Variants in HHAT observed in about 807,000 individuals in gnomAD.
HHAT encodes the protein protein-cysteine N-palmitoyltransferase HHAT.
A neutral mutation model predicts 70.8 loss-of-function variants in HHAT; 47 were observed. The ratio of observed to expected loss-of-function variants is 0.66; its 90% CI spans 0.53 to 0.85. HHAT has a LOEUF of 0.85. Ranked by LOEUF, HHAT falls within the 40% of genes least tolerant of loss-of-function variation. HHAT has a pLI of 0.00. For missense variants in HHAT, 609 were observed against 604.8 expected, an observed-to-expected ratio of 1.01 and a Z score of -0.07; for synonymous variants, 228 against 247.6, an observed-to-expected ratio of 0.92 and a Z score of 0.74.
chr1:210,600,339 C>T (rs1407126684), intron 10 of HHAT, among the ~76,000 whole-genome samples: 1 of 152,004 alleles, frequency 6.6e-6, no homozygotes, highest in Non-Finnish European at 1.5e-5. Flanking sequence ...ATGAAATAGA[C>T]TTAGGCAGCA....
At chr1:210,617,733 TA>T (rs1482423500) in intron 10 of HHAT, among the ~76,000 whole-genome samples, 1 of 152,258 alleles carries the variant, frequency 6.6e-6, no homozygotes, top group African/African-American at 2.4e-5. Flanking sequence ...CTTGTCCAAT[TA>T]AACAAATCTG....
At chr1:210,548,094 C>T (rs994518436) in intron 9 of HHAT, among the ~76,000 whole-genome samples, 4 of 152,182 alleles carry the variant, frequency 2.6e-5, no homozygotes, top group African/African-American at 9.7e-5. Context: ...ACTGACCCAG[C>T]AGTGATGGAC....
intron 8 of HHAT, among the ~76,000 whole-genome samples, chr1:210,503,775 T>C (rs1558041779): frequency 6.6e-6 from 1 of 150,606 alleles, no homozygotes; most frequent in African/African-American, 2.4e-5. Flanking sequence ...AAGTTGCCGG[T>C]GACCTTTCAT....
intron 10 of HHAT, among the ~76,000 whole-genome samples, chr1:210,593,454 G>C (rs1223607435): frequency 1.3e-5 from 2 of 152,036 alleles, no homozygotes; most frequent in African/African-American, 4.8e-5. Context: ...GAGCATATTG[G>C]TTAATTTCCC....
intron 9 of HHAT, among the ~76,000 whole-genome samples, chr1:210,553,818 C>G (rs1014788949): frequency 1.3e-5 from 2 of 152,196 alleles, no homozygotes; most frequent in Non-Finnish European, 2.9e-5. Flanking sequence ...CCACCTCTTC[C>G]TCTCCCTGTA....
chr1:210,665,037 T>A (rs1350136314), intron 11 of HHAT, among the ~76,000 whole-genome samples: 2 of 152,218 alleles, frequency 1.3e-5, no homozygotes, highest in African/African-American at 2.4e-5. Flanking sequence ...TATATCCCTC[T>A]CTGAGCCAGC....
intron 10 of HHAT, among the ~76,000 whole-genome samples, chr1:210,609,098 G>A (rs1437291543): frequency 6.6e-6 from 1 of 152,094 alleles, no homozygotes; most frequent in Non-Finnish European, 1.5e-5. Context: ...GACACGTGGT[G>A]ATTATGGGGA....
intron 9 of HHAT, among the ~76,000 whole-genome samples, chr1:210,542,630 T>G (rs1177159467): frequency 1.3e-5 from 2 of 151,592 alleles, no homozygotes; most frequent in Non-Finnish European, 2.9e-5. Context: ...AGACTCCATC[T>G]CTATAAAATA....
chr1:210,667,826 T>A (rs1679242272), intron 11 of HHAT, among the ~76,000 whole-genome samples: 1 of 152,204 alleles, frequency 6.6e-6, no homozygotes, highest in African/African-American at 2.4e-5. Context: ...CATGGTAAAT[T>A]ACACAAAACA....
chr1:210,344,508 T>G (rs541985827), intron 1 of HHAT, among the ~76,000 whole-genome samples: 2 of 152,310 alleles, frequency 1.3e-5, no homozygotes, highest in South Asian at 4.1e-4. Flanking sequence ...TTTTCTGTGA[T>G]GGCATCAAAT....
intron 3 of HHAT, among the ~76,000 whole-genome samples, chr1:210,383,361 C>T (rs192496286): frequency 2.5e-4 from 38 of 151,752 alleles, no homozygotes; most frequent in Non-Finnish European, 3.7e-4. Context: ...AAATCACTGA[C>T]GAAATAAAAA....
intron 7 of HHAT, among the ~76,000 whole-genome samples, chr1:210,460,101 G>A (rs2093949332): frequency 6.6e-6 from 1 of 152,218 alleles, no homozygotes; most frequent in African/African-American, 2.4e-5. Flanking sequence ...CTAAGAGATA[G>A]TGTTCAAAGA....
intron 8 of HHAT, among the ~76,000 whole-genome samples, chr1:210,501,672 T>C (rs2094757436): frequency 1.3e-5 from 2 of 152,222 alleles, no homozygotes; most frequent in South Asian, 4.1e-4. Context: ...TTCTTTCTTT[T>C]TTCCCTTCAG....
At chr1:210,618,361 C>T (rs1332421698) in intron 10 of HHAT, among the ~76,000 whole-genome samples, 1 of 152,146 alleles carries the variant, frequency 6.6e-6, no homozygotes, top group Non-Finnish European at 1.5e-5. Flanking sequence ...CCACCAACCC[C>T]TCCCTTGCCA....
chr1:210,666,640 C>T (rs1246703489), intron 11 of HHAT, among the ~76,000 whole-genome samples: 2 of 152,104 alleles, frequency 1.3e-5, no homozygotes, highest in African/African-American at 4.8e-5. Flanking sequence ...CACGCCACCA[C>T]GCCCTGCTAA....
intron 1 of HHAT, among the ~76,000 whole-genome samples, chr1:210,348,021 C>T (rs1288283186): frequency 1.3e-5 from 2 of 152,090 alleles, no homozygotes; most frequent in Admixed American, 6.5e-5. Flanking sequence ...TAGTGAGGGG[C>T]GGTGGGTAAC....
chr1:210,575,133 TC>T (rs1657351343), intron 9 of HHAT, among the ~76,000 whole-genome samples: 1 of 152,238 alleles, frequency 6.6e-6, no homozygotes, highest in African/African-American at 2.4e-5. Flanking sequence ...GTGGGCTCTT[TC>T]CCCTACCTCT....
At chr1:210,560,847 A>C (rs993202982) in intron 9 of HHAT, among the ~76,000 whole-genome samples, 1 of 145,446 alleles carries the variant, frequency 6.9e-6, no homozygotes, top group Non-Finnish European at 1.5e-5. Flanking sequence ...AAAAAAAAAA[A>C]AAAACCAGAG....
intron 9 of HHAT, among the ~76,000 whole-genome samples, chr1:210,519,678 C>A (rs2095120600): frequency 7.6e-6 from 1 of 131,554 alleles, no homozygotes; most frequent in Non-Finnish European, 1.7e-5. Flanking sequence ...AGGCATATAC[C>A]ACCATGCCCA....
Sources: gnomAD v4.1 joint callset for allele counts (sites outside exome capture counted in the v4.1 genomes callset) on GRCh38, gnomAD v4.1.1 for gene constraint, MANE v1.5 for transcripts, NCBI Gene and HGNC (gene_info 2026-07-23, HGNC 2026-07-21) for gene names.